The following SPOCD1 variants were observed in gnomAD, a reference collection of about 807,000 sequenced individuals.
SPOCD1 encodes SPOC domain-containing protein 1.
Under a neutral mutation model 92.2 loss-of-function variants are expected in SPOCD1, and 64 were observed. The ratio of observed to expected loss-of-function variants is 0.69; its 90% confidence interval spans 0.57 to 0.86. SPOCD1 has a LOEUF of 0.86. Among genes scored for constraint, SPOCD1 ranks in the 40% least tolerant of loss-of-function variants. SPOCD1 has a pLI of 0.00. For synonymous variants in SPOCD1, 578 were observed against 619.3 expected, an observed-to-expected ratio of 0.93 and a Z score of 0.99; for missense variants, 1,360 against 1,543.1, an observed-to-expected ratio of 0.88 and a Z score of 1.99.
intron 10 of SPOCD1, chr1:31,794,496 C>G: frequency 5.0e-6 from 1 of 200,188 alleles, no homozygotes; most frequent in Non-Finnish European, 9.4e-6. Flanking sequence ...CTTTTTTTTT[C>G]TTTTCTTTTT....
chr1:31,801,262 C>T (rs1220783540), intron 3 of SPOCD1, among the ~76,000 whole-genome samples: 3 of 152,218 alleles, frequency 2.0e-5, no homozygotes, highest in Non-Finnish European at 2.9e-5. Context: ...AACTTTGAGC[C>T]TGGCAGGTGT....
Position 31,796,632 on chromosome 1 carries a change from A to C in SPOCD1, c.2229T>G (p.Ile743Met). ...TCAGTGTCTGGTCCATGTCCCGCTG[A>C]ATCTCCACTTCGCCCTTGTGGGTCA... ...SKMTHKGEVE[I>M]QRDMDQTLTL... The change falls in exon 10 of 16, where the codon ATT (isoleucine) becomes ATG (methionine). Residue 743 changes from isoleucine (I) to methionine (M), a missense_variant. Ile to Met is a conservative substitution (Grantham distance 10). Coordinates refer to ENST00000360482, the MANE Select transcript of SPOCD1 (RefSeq NM_144569.7). The C allele has an allele frequency of 6.2e-7, 1 of 1,614,230 alleles. No individual in the cohort carries two copies. The highest frequency in any genetic ancestry group is 1.1e-5 in the South Asian group (1 of 91,088).
At chr1:31,794,871 T>TC (rs1408870070) in intron 10 of SPOCD1, 1 of 152,230 alleles carries the variant, frequency 6.6e-6, no homozygotes, top group African/African-American at 2.4e-5. Flanking sequence ...ACAGCTGGGA[T>TC]CATATATTCA....
At chr1:31,803,493 G>C (rs962328840) in intron 2 of SPOCD1, among the ~76,000 whole-genome samples, 1 of 151,898 alleles carries the variant, frequency 6.6e-6, no homozygotes, top group Non-Finnish European at 1.5e-5. Flanking sequence ...AGCACTTTGG[G>C]AGGCCGAGAC....
At position 31,791,240 on chromosome 1, in the gene SPOCD1, G is replaced by A; in HGVS notation, c.3014C>T (p.Thr1005Ile). The A allele has an allele frequency of 6.3e-7, 1 of 1,587,944 alleles. No individual in the cohort carries two copies. Among genetic ancestry groups the A allele is most frequent in the East Asian group, 2.2e-5 (1 of 44,462 alleles). ...CACAGCCAGCAACAGACTTGAGTGA[G>A]TGACCTCCAGACCTGGGGAAAGGAG... ...SPLLSPGLEV[T>I]HSSLLLAVLL... Residue 1005 changes from threonine to isoleucine, a missense_variant, in exon 16 of 16, where the codon ACT becomes ATT. Thr to Ile is a moderately conservative substitution (Grantham distance 89). Coordinates refer to ENST00000360482, the MANE Select transcript of SPOCD1 (RefSeq NM_144569.7).
chr1:31,807,270 T>C (rs1648883667), intron 2 of SPOCD1, among the ~76,000 whole-genome samples: 3 of 145,376 alleles, frequency 2.1e-5, no homozygotes, highest in African/African-American at 7.7e-5. Flanking sequence ...ACGCCTGTGA[T>C]CTCAGCTACT....
intron 11 of SPOCD1, 53 bp downstream of exon 11, chr1:31,794,071 G>A (rs1015652752): frequency 1.1e-5 from 17 of 1,573,396 alleles, no homozygotes; most frequent in Admixed American, 3.4e-5. Context: ...TGAACTGCAC[G>A]CTCAGCCCCA....
chr1:31,793,555 C>T (rs1367419789), intron 12 of SPOCD1, 127 bp from the exon 13 acceptor site: 10 of 1,495,358 alleles, frequency 6.7e-6, no homozygotes, highest in South Asian at 1.2e-5. Flanking sequence ...CCAAGCTTGG[C>T]CTTGTGCAGG....
At chr1:31,793,536 A>G (rs1570149466) in intron 12 of SPOCD1, 108 bp from the exon 13 acceptor site, 2 of 1,507,338 alleles carry the variant, frequency 1.3e-6, no homozygotes, top group East Asian at 4.9e-5. Flanking sequence ...TGGGGACTGG[A>G]ACACTGGCCC....
chr1:31,798,043 G>C lies in SPOCD1; in HGVS notation c.2145+164C>G, dbSNP rs1191875374. On this transcript the variant is annotated intron_variant, in intron 9 of 15. Coordinates refer to ENST00000360482, the MANE Select transcript of SPOCD1 (RefSeq NM_144569.7). This position sits in a 1 kb window ranked among gnomAD's most constrained non-coding sequence, Gnocchi z 4.1. ...ACCCCTTCTCCTGTTTCTCTTGTGG[G>C]GAGGGTCTCTCTGACTCCCTATCTG... is the stretch of plus-strand genomic sequence containing the variant. Among the ~76,000 whole-genome samples, 1 of 152,108 alleles carries C rather than the reference G, an allele frequency of 6.6e-6. No individual in the cohort carries two copies. The highest frequency in any genetic ancestry group is 1.5e-5 in the Non-Finnish European group (1 of 67,998).
In SPOCD1 at chr1:31,790,651, C is replaced by T; in HGVS notation, c.3603G>A (p.Gly1201=). 1 of 1,551,988 alleles carries T rather than the reference C, an allele frequency of 6.4e-7. No individual in the cohort carries two copies. The highest frequency in any genetic ancestry group is 8.7e-7 in the Non-Finnish European group (1 of 1,147,118). The change falls in exon 16 of 16, where the codon GGG becomes GGA. Residue 1201 remains glycine (G), a synonymous_variant. Coordinates refer to ENST00000360482, the MANE Select transcript of SPOCD1 (RefSeq NM_144569.7). ...ACTCAGAGCCAGCTTCATCTGTAGGCCCCAAAGAGGAGTCACGGGCTGGGC... is the reference window on the plus strand; with the variant it reads ...ACTCAGAGCCAGCTTCATCTGTAGGTCCCAAAGAGGAGTCACGGGCTGGGC... ...PPGPARDSSL[G]PTDEAGSECP... is the part of the protein sequence containing the mutation.
At chr1:31,813,587 T>A (rs567833157) in intron 2 of SPOCD1, among the ~76,000 whole-genome samples, 1 of 151,730 alleles carries the variant, frequency 6.6e-6, no homozygotes, top group South Asian at 2.1e-4. Flanking sequence ...TATACCATAA[T>A]CTCATTTAAT....
intron 2 of SPOCD1, among the ~76,000 whole-genome samples, chr1:31,813,121 T>C (rs939283616): frequency 1.1e-4 from 16 of 152,186 alleles, no homozygotes; most frequent in African/African-American, 3.1e-4. Flanking sequence ...CTGGAGAATA[T>C]TATTAACCCT....
intron 2 of SPOCD1, among the ~76,000 whole-genome samples, chr1:31,803,084 G>A (rs112284110): frequency 0.03 from 4,549 of 151,494 alleles, 212 homozygotes; most frequent in African/African-American, 0.1. Flanking sequence ...TGGCTGGCCC[G>A]TCTCAGGGGT....
intron 2 of SPOCD1, among the ~76,000 whole-genome samples, chr1:31,806,361 G>A (rs1038413514): frequency 6.6e-6 from 1 of 151,994 alleles, no homozygotes; most frequent in African/African-American, 2.4e-5. Context: ...CAAAGCCTGG[G>A]CCAAAAAGCA....
In SPOCD1 at chr1:31,799,829, G is replaced by A. The variant is rs1370274935; in HGVS notation, c.1763C>T (p.Pro588Leu). Residue 588 changes from proline to leucine, a missense_variant, in exon 6 of 16, where the codon CCG (proline) becomes CTG (leucine). Physicochemically the swap from Pro to Leu is moderately conservative, Grantham distance 98 (BLOSUM62 -3). Around this residue, in one of 3 missense-constraint regions of SPOCD1, gnomAD observed 606 missense variants for 601.5 expected, o/e 1.01. Transcript: ENST00000360482. ...GPMEAEEDSL[P>L]EQPEDSAQLQ... ...TTCACCTGAGTCCTCTGGCTGCTCC[G>A]GAAGAGAATCCTCTTCAGCCTCCAT... 34 of 1,613,952 alleles carry A rather than the reference G, an allele frequency of 2.1e-5. No homozygotes were observed. Among genetic ancestry groups the A allele is most frequent in the Admixed American group, 1.0e-4 (6 of 60,006 alleles).
chr1:31,807,226 T>C (rs2149113927), intron 2 of SPOCD1, among the ~76,000 whole-genome samples: 1 of 148,718 alleles, frequency 6.7e-6, no homozygotes, highest in South Asian at 2.2e-4. Context: ...ATCTCCGTGC[T>C]AAAAATACAA....
chr1:31,815,899 C>G (rs530252843), intron 1 of SPOCD1, 62 bp downstream of exon 1: 2 of 119,482 alleles, frequency 1.7e-5, no homozygotes, highest in African/African-American at 6.6e-5. Context: ...GTTCCCAAGC[C>G]TTACTGGGAC....
In SPOCD1 at chr1:31,790,535, C is replaced by A; in HGVS notation, c.*68G>T. ...TGACCATCCTCTCCTTGCAGTCCCACCTCTCTCTGGAACAGGCTTCAACAC... is the reference window on the plus strand; with the variant it reads ...TGACCATCCTCTCCTTGCAGTCCCAACTCTCTCTGGAACAGGCTTCAACAC... On this transcript the variant is annotated 3_prime_UTR_variant, in exon 16 of 16. Transcript: ENST00000360482. 7.0e-7 allele frequency: 1 copy of A among 1,421,468 alleles called. No homozygotes were observed. Among genetic ancestry groups the A allele is most frequent in the South Asian group, 1.3e-5 (1 of 76,532 alleles). 88.1% of individuals were successfully genotyped at this position (1,421,468 alleles called of 1,614,324 possible).
Sources: gnomAD v4.1 joint callset for allele counts (sites outside exome capture counted in the v4.1 genomes callset) on GRCh38, gnomAD v4.1.1 for gene constraint, gnomAD v4.1.1 regional missense constraint, Gnocchi (gnomAD v3.1) non-coding constraint, MANE v1.5 for transcripts, NCBI Gene and HGNC (gene_info 2026-07-23, HGNC 2026-07-21) for gene names.